CRTAC1: variants seen among roughly 807,000 people sequenced by gnomAD.
The protein encoded by CRTAC1 is acidic secreted protein in cartilage.
CRTAC1 carries 37 observed loss-of-function variants against 67.8 expected under a neutral mutation model. That is an observed-to-expected ratio of 0.55 (90% CI 0.42 to 0.72). The LOEUF (loss-of-function observed/expected upper bound fraction) is 0.72, where lower values mean the gene tolerates loss of function less well. Among genes scored for constraint, CRTAC1 ranks in the 30% least tolerant of loss-of-function variants. CRTAC1 has a pLI of 0.00. For synonymous variants in CRTAC1, 348 were observed against 371.0 expected, an observed-to-expected ratio of 0.94 and a Z score of 0.71; for missense variants, 780 against 931.6, an observed-to-expected ratio of 0.84 and a Z score of 2.12.
intron 2 of CRTAC1, among the ~76,000 whole-genome samples, chr10:97,990,407 G>A (rs1842420791): frequency 6.6e-6 from 1 of 152,182 alleles, no homozygotes; most frequent in South Asian, 2.1e-4. Flanking sequence ...GGCATGAACT[G>A]TGACACTTAC....
intron 2 of CRTAC1, among the ~76,000 whole-genome samples, chr10:97,978,585 G>C (rs772058607): frequency 6.6e-6 from 1 of 152,146 alleles, no homozygotes; most frequent in South Asian, 2.1e-4. Flanking sequence ...CAAGCTGCTT[G>C]CTCCCCATGA....
At chr10:97,946,781 C>T (rs753501186) in intron 2 of CRTAC1, among the ~76,000 whole-genome samples, 1 of 152,182 alleles carries the variant, frequency 6.6e-6, no homozygotes. Context: ...CTAGACACAT[C>T]TCAAGGGCCC....
intron 14 of CRTAC1, chr10:97,870,923 T>C (rs2050086609): frequency 6.6e-6 from 1 of 152,208 alleles, no homozygotes; most frequent in Non-Finnish European, 1.5e-5. Flanking sequence ...CATCTACAGC[T>C]TTCAGCAGAT....
chr10:97,873,628 G>C (rs886676994), intron 14 of CRTAC1, among the ~76,000 whole-genome samples: 1 of 152,166 alleles, frequency 6.6e-6, no homozygotes, highest in Admixed American at 6.5e-5. Flanking sequence ...TTAGATTTGT[G>C]GGGAGGGTGC....
Position 97,883,467 on chromosome 10 carries a change from A to G in CRTAC1, c.1633-639T>C, listed in dbSNP as rs192975357. On this transcript the variant is annotated intron_variant, in intron 12 of 14. Transcript: ENST00000370597. ...GCAGGGGACTAAAAACGTAACACAC[A>G]TGACACAAAATGTCAATCAACCGTA... Among the ~76,000 whole-genome samples the G allele has an allele frequency of 8.7e-4, 132 of 152,336 alleles. 1 individual carries two copies. The highest frequency in any genetic ancestry group is 2.3e-3 in the South Asian group (11 of 4,826).
intron 12 of CRTAC1, 106 bp downstream of exon 12, chr10:97,884,100 C>A: frequency 7.5e-7 from 1 of 1,327,648 alleles, no homozygotes; most frequent in South Asian, 1.5e-5. Context: ...AGATTTCCAT[C>A]ACTCTAGAGG....
intron 2 of CRTAC1, among the ~76,000 whole-genome samples, chr10:97,943,828 C>A (rs190854757): frequency 6.6e-6 from 1 of 152,192 alleles, no homozygotes; most frequent in Non-Finnish European, 1.5e-5. Context: ...CAATAGAGAC[C>A]GTATGGCCAA....
Position 97,880,389 on chromosome 10 carries a change from G to T in CRTAC1, c.1679C>A (p.Thr560Asn). The T allele has an allele frequency of 6.2e-7, 1 of 1,613,444 alleles. No individual in the cohort carries two copies. Among genetic ancestry groups the T allele is most frequent in the Non-Finnish European group, 8.5e-7 (1 of 1,179,376 alleles). ...SQQENGHCMD[T>N]NECIQFPFVC... is the part of the protein sequence containing the mutation. ...GAATGGGAACTGGATGCATTCATTG[G>T]TGTCTGCAAGGCGAGGGGAACCACT... Residue 560 changes from threonine (T) to asparagine (N), a missense_variant, in exon 14 of 15, where the codon ACC becomes AAC. Transcript: ENST00000370597.
At chr10:97,865,852 C>T in intron 14 of CRTAC1, 138 bp from the exon 15 acceptor site, 1 of 1,266,146 alleles carries the variant, frequency 7.9e-7, no homozygotes, top group Non-Finnish European at 1.1e-6. Flanking sequence ...CCTCATATTT[C>T]CTGTGGGCCA....
chr10:97,966,335 C>T (rs942632943), intron 2 of CRTAC1, among the ~76,000 whole-genome samples: 3 of 152,226 alleles, frequency 2.0e-5, no homozygotes, highest in Non-Finnish European at 4.4e-5. Context: ...GTCTTGAACA[C>T]CTGGCCTCAA....
intron 8 of CRTAC1, 59 bp downstream of exon 8, chr10:97,901,444 A>C: frequency 6.2e-7 from 1 of 1,609,634 alleles, no homozygotes; most frequent in African/African-American, 1.3e-5. Context: ...CTTCTCCCTG[A>C]CCGTTCCTCC....
At chr10:97,944,692 C>T (rs892683105) in intron 2 of CRTAC1, among the ~76,000 whole-genome samples, 3 of 152,176 alleles carry the variant, frequency 2.0e-5, no homozygotes, top group Non-Finnish European at 4.4e-5. Context: ...GCCTTGATTG[C>T]AGAAGACGGT....
At chr10:97,998,134 T>A (rs1328090510) in intron 2 of CRTAC1, among the ~76,000 whole-genome samples, 1 of 152,142 alleles carries the variant, frequency 6.6e-6, no homozygotes, top group Non-Finnish European at 1.5e-5. Context: ...CTATACCAGC[T>A]AATTTATCTT....
At chr10:97,879,653 T>G in intron 14 of CRTAC1, 2 of 1,534,024 alleles carry the variant, frequency 1.3e-6, no homozygotes, top group Non-Finnish European at 1.8e-6. Flanking sequence ...GCTGTTAGTT[T>G]TGTTTTGTTT....
chr10:97,872,635 C>A (rs1406772005), intron 14 of CRTAC1, among the ~76,000 whole-genome samples: 1 of 152,126 alleles, frequency 6.6e-6, no homozygotes, highest in African/African-American at 2.4e-5. Context: ...GGCTGGCTGG[C>A]TGGATAAGTG....
intron 1 of CRTAC1, among the ~76,000 whole-genome samples, chr10:98,019,245 T>TC (rs1320289562): frequency 1.3e-5 from 2 of 152,054 alleles, no homozygotes; most frequent in East Asian, 3.9e-4. Flanking sequence ...AGCCTGTCCT[T>TC]CCCTATCTAC....
intron 11 of CRTAC1, among the ~76,000 whole-genome samples, chr10:97,889,424 C>T (rs1246569338): frequency 7.1e-6 from 1 of 141,676 alleles, no homozygotes; most frequent in Non-Finnish European, 1.6e-5. Context: ...CAGGGACAGG[C>T]CAGGGTGAAG....
chr10:97,991,947 A>C (rs548322311), intron 2 of CRTAC1, among the ~76,000 whole-genome samples: 17 of 152,330 alleles, frequency 1.1e-4, no homozygotes, highest in African/African-American at 4.1e-4. Flanking sequence ...TTTTATAATG[A>C]GACTTACCAT....
intron 2 of CRTAC1, among the ~76,000 whole-genome samples, chr10:97,982,961 C>T (rs887259152): frequency 7.9e-5 from 12 of 152,156 alleles, no homozygotes; most frequent in African/African-American, 2.7e-4. Context: ...CAGCATTTAG[C>T]GATGGTCAGT....
Sources: allele counts gnomAD v4.1 joint callset (sites outside exome capture counted in the v4.1 genomes callset), GRCh38; gene constraint gnomAD v4.1.1; transcripts MANE v1.5; gene names NCBI Gene and HGNC (gene_info 2026-07-23, HGNC 2026-07-21).